Variants in RSPH10B2 observed in about 807,000 individuals in gnomAD.
RSPH10B2 encodes the protein radial spoke head 10 homolog B2 (Chlamydomonas).
In RSPH10B2, 9 loss-of-function variants were observed where a neutral mutation model predicts 49.0. That is an observed-to-expected ratio of 0.18 (90% CI 0.11 to 0.32). The LOEUF (loss-of-function observed/expected upper bound fraction) is 0.32. RSPH10B2 is among the 10% of genes least tolerant of loss of function. The pLI is 1.00. For synonymous variants in RSPH10B2, 35 were observed against 210.2 expected (o/e 0.17, Z 7.21); for missense variants, 95 against 589.9 (o/e 0.16, Z 8.69).
intron 15 of RSPH10B2, among the ~76,000 whole-genome samples, 178 bp downstream of exon 17, chr7:6,787,199 C>CA (rs1782221960): frequency 3.0e-5 from 4 of 133,476 alleles, no homozygotes; most frequent in Non-Finnish European, 4.7e-5. Flanking sequence ...ATTAAAACTA[C>CA]AAAAAAATTA....
At chr7:6,761,721 C>CG (rs1248030696) in intron 3 of RSPH10B2, among the ~76,000 whole-genome samples, 23 of 150,548 alleles carry the variant, frequency 1.5e-4, no homozygotes, top group South Asian at 4.2e-4. Context: ...TACAGGCGCC[C>CG]GCCACCACGC....
At chr7:6,756,265 G>A (rs1305183950), upstream of RSPH10B2, among the ~76,000 whole-genome samples, 619 of 132,994 alleles carry the variant, frequency 4.7e-3, no homozygotes, top group East Asian at 0.028. Context: ...GTGAGACTCC[G>A]TCTCAAAAAT....
chr7:6,797,640 C>T (rs556968165), intron 18 of RSPH10B2, among the ~76,000 whole-genome samples: 2 of 152,290 alleles, frequency 1.3e-5, no homozygotes, highest in Non-Finnish European at 2.9e-5. Flanking sequence ...GCAGGAGAAT[C>T]ACTTGAGTTT....
In RSPH10B2 at chr7:6,793,419, C is replaced by T. The variant is rs557076988; in HGVS notation, c.2233+1422C>T. ...CTCAATGGTGGACTTTTAAAGGCTC[C>T]GTCCCGGGGCCTTGTCTTCTCAAAG... On this transcript the variant is annotated intron_variant, in intron 17 of 18. Coordinates refer to ENST00000297186, the Ensembl canonical transcript of RSPH10B2. 6.0e-5 allele frequency among the ~76,000 whole-genome samples: 7 copies of T among 116,618 alleles called. 1 individual carries two copies. Among genetic ancestry groups the T allele is most frequent in the East Asian group, 3.5e-4 (1 of 2,838 alleles). The allele number at this position is 116,618 out of a possible 152,430, so 76.5% of individuals were successfully genotyped here.
In RSPH10B2 at chr7:6,768,616, T is replaced by TCTAAAGAGAATCCG. The variant is rs1184126437; in HGVS notation, c.809_822dup (p.Ser275Ter). 2.9e-6 allele frequency: 1 copy of TCTAAAGAGAATCCG among 344,854 alleles called. No individual in the cohort carries two copies. Among genetic ancestry groups the TCTAAAGAGAATCCG allele is most frequent in the Non-Finnish European group, 5.1e-6 (1 of 197,020 alleles). 21.4% of individuals were successfully genotyped at this position (344,854 alleles called of 1,614,324 possible). On this transcript the variant is annotated frameshift_variant, in exon 7 of 19. Transcript: ENST00000297186. LOFTEE classifies it high-confidence loss of function. ...ATGGCTTTGGAACACACACATGGTT[T>TCTAAAGAGAATCCG]CTAAAGAGAATCCGCAGTTCCCAGT... is the stretch of plus-strand genomic sequence containing the variant.
rs773659785 is a variant in RSPH10B2 at position 6,776,928 on chromosome 7, A to ACACACAC, written c.1414+382_1414+383insCACACAC. On this transcript the variant is annotated intron_variant, in intron 10 of 18. Transcript: ENST00000297186. ...ACACACACACACACACACACACACA[A>ACACACAC]AAGGCAGGGGTCCCCAACCCCCAGG... is the stretch of plus-strand genomic sequence containing the variant. 5.8e-4 allele frequency among the ~76,000 whole-genome samples: 67 copies of ACACACAC among 115,286 alleles called. 1 individual carries two copies. The highest frequency in any genetic ancestry group is 6.4e-4 in the Non-Finnish European group (35 of 54,610). The allele number at this position is 115,286 out of a possible 152,430, so 75.6% of individuals were successfully genotyped here.
At chr7:6,774,754 T>TG (rs1491383186) in intron 9 of RSPH10B2, among the ~76,000 whole-genome samples, 5 of 91,696 alleles carry the variant, frequency 5.5e-5, no homozygotes, top group African/African-American at 1.6e-4. Context: ...TCTTTTTTTT[T>TG]GTTTTTTTTT....
rs1407663279 is a variant in RSPH10B2 at position 6,780,401 on chromosome 7, T to A, written c.1530-408T>A. On this transcript the variant is annotated intron_variant, in intron 11 of 18. Coordinates refer to ENST00000297186, the Ensembl canonical transcript of RSPH10B2. ...ACTTTTATTTACATATTTATTTTTT[T>A]GAGATGGAATCTCGCTCTGTCACCC... 4.2e-5 allele frequency among the ~76,000 whole-genome samples: 5 copies of A among 119,318 alleles called. 1 individual carries two copies. The highest frequency in any genetic ancestry group is 2.8e-4 in the Admixed American group (3 of 10,558). The allele number at this position is 119,318 out of a possible 152,430, so 78.3% of individuals were successfully genotyped here.
Position 6,796,614 on chromosome 7 carries a change from G to A in RSPH10B2, c.2280G>A (p.Thr760=), listed in dbSNP as rs377720862. 587 of 1,206,808 alleles carry A rather than the reference G, an allele frequency of 4.9e-4. 173 individuals are homozygous for A. Among genetic ancestry groups the A allele is most frequent in the Non-Finnish European group, 6.0e-4 (547 of 917,584 alleles). 74.8% of individuals were successfully genotyped at this position (1,206,808 alleles called of 1,614,324 possible). ...ATGATCGAGAGGAAGAGTTCAACAC[G>A]TGGGTCAATAATACGTACGTCTTCT... Residue 760 remains threonine, a synonymous_variant, in exon 18 of 19, where the codon ACG becomes ACA. Coordinates refer to ENST00000297186, the Ensembl canonical transcript of RSPH10B2.
At chr7:6,781,591 G>C in intron 13 of RSPH10B2, 115 bp downstream of exon 15, 1 of 1,182,720 alleles carries the variant, frequency 8.5e-7, no homozygotes, top group South Asian at 2.3e-5. Flanking sequence ...ATCTGGGCTG[G>C]GTTTTCAGGA....
At chr7:6,776,841 C>T in intron 10 of RSPH10B2, among the ~76,000 whole-genome samples, 1 of 111,158 alleles carries the variant, frequency 9.0e-6, no homozygotes, top group African/African-American at 3.3e-5. Flanking sequence ...TGTGCCATTG[C>T]ACTCCAGCCT....
At chr7:6,796,391 T>A (rs1782565072) in intron 17 of RSPH10B2, among the ~76,000 whole-genome samples, 177 bp from the exon 20 acceptor site, 1 of 117,880 alleles carries the variant, frequency 8.5e-6, no homozygotes, top group Non-Finnish European at 1.8e-5. Context: ...AGCCAGGGTC[T>A]GCTGAGCCCC....
intron 6 of RSPH10B2, among the ~76,000 whole-genome samples, chr7:6,768,305 A>G (rs2692566): frequency 1.6e-4 from 25 of 152,386 alleles, no homozygotes; most frequent in African/African-American, 5.1e-4. Context: ...TGGGGTTTCA[A>G]CATGTTGGCC....
chr7:6,795,961 C>T (rs774543909), intron 17 of RSPH10B2, among the ~76,000 whole-genome samples: 15 of 145,362 alleles, frequency 1.0e-4, no homozygotes, highest in Non-Finnish European at 1.7e-4. Flanking sequence ...GCAAGAGAAA[C>T]GAGTTTTTTT....
upstream of RSPH10B2, chr7:6,753,402 T>TC (rs1415966818): frequency 1.4e-5 from 2 of 146,198 alleles, no homozygotes; most frequent in Non-Finnish European, 2.7e-5. Flanking sequence ...CATTAGATTC[T>TC]CATAGCAGCA....
intron 14 of RSPH10B2, among the ~76,000 whole-genome samples, chr7:6,786,430 G>A (rs1201546307): frequency 8.7e-6 from 1 of 115,002 alleles, no homozygotes; most frequent in Non-Finnish European, 1.7e-5. Context: ...TCCTGACCTC[G>A]TGATCCACCT....
intron 17 of RSPH10B2, among the ~76,000 whole-genome samples, chr7:6,795,539 G>A (rs1222405571): frequency 1.8e-5 from 2 of 109,122 alleles, no homozygotes; most frequent in East Asian, 4.6e-4. Context: ...TTGGGAGGCC[G>A]AGATGGGAGG....
intron 17 of RSPH10B2, among the ~76,000 whole-genome samples, chr7:6,795,633 C>T (rs1258370404): frequency 4.4e-5 from 6 of 137,124 alleles, no homozygotes; most frequent in East Asian, 2.0e-4. Flanking sequence ...TGGTGGCACC[C>T]GCCTGTGGTC....
In RSPH10B2 at chr7:6,793,351, C is replaced by T. The variant is rs545061249; in HGVS notation, c.2233+1354C>T. Among the ~76,000 whole-genome samples, 103 of 116,678 alleles carry T rather than the reference C, an allele frequency of 8.8e-4. 36 individuals are homozygous for T. Among genetic ancestry groups the T allele is most frequent in the African/African-American group, 3.3e-3 (98 of 29,318 alleles). The allele number at this position is 116,678 out of a possible 152,430, so 76.5% of individuals were successfully genotyped here. A position where few individuals can be genotyped will look rare whatever the true frequency, so the allele number is the denominator to read the frequency against. On this transcript the variant is annotated intron_variant, in intron 17 of 18. Transcript: ENST00000297186. ...ACAGGTGTGAGCCACTGCGCCTGGC[C>T]CTCCCCCTTTTCTGACGGCGTCTCT...
Sources: allele counts gnomAD v4.1 joint callset (sites outside exome capture counted in the v4.1 genomes callset), GRCh38; gene constraint gnomAD v4.1.1; transcripts MANE v1.5; gene names NCBI Gene and HGNC (gene_info 2026-07-23, HGNC 2026-07-21).